Variants in KPNA6 observed in about 807,000 individuals in gnomAD.
KPNA6 encodes importin subunit alpha-7.
A neutral mutation model predicts 72.0 loss-of-function variants in KPNA6; 9 were observed. That is an observed-to-expected ratio of 0.13 (90% confidence interval 0.08 to 0.22). The LOEUF (loss-of-function observed/expected upper bound fraction) is 0.22, where lower values mean the gene tolerates loss of function less well. KPNA6 is among the 10% of genes least tolerant of loss of function. The pLI is 1.00. For synonymous variants in KPNA6, 219 were observed against 242.1 expected, an observed-to-expected ratio of 0.90 and a Z score of 0.89; for missense variants, 374 against 655.7, an observed-to-expected ratio of 0.57 and a Z score of 4.69.
At chr1:32,158,138 A>T (rs1642176208) in intron 4 of KPNA6, 129 bp from the exon 5 acceptor site, 1 of 638,580 alleles carries the variant, frequency 1.6e-6, no homozygotes, top group Non-Finnish European at 2.8e-6. Flanking sequence ...AAACCACCTT[A>T]CCAGAAGGGA....
At chr1:32,131,518 A>T (rs1641635200) in intron 1 of KPNA6, among the ~76,000 whole-genome samples, 1 of 152,062 alleles carries the variant, frequency 6.6e-6, no homozygotes, top group Non-Finnish European at 1.5e-5. Context: ...AGATTTAAAA[A>T]TTTAAAAAGA....
chr1:32,156,439 G>A (rs922968504), intron 2 of KPNA6, among the ~76,000 whole-genome samples: 3 of 152,060 alleles, frequency 2.0e-5, no homozygotes, highest in African/African-American at 7.2e-5. Context: ...TAAAATAAGG[G>A]TTACTTGAAC....
intron 1 of KPNA6, among the ~76,000 whole-genome samples, chr1:32,113,562 C>T (rs912863866): frequency 2.0e-5 from 3 of 152,148 alleles, no homozygotes; most frequent in African/African-American, 7.2e-5. Flanking sequence ...AAGCAATCCT[C>T]CTACTTCAGC....
At chr1:32,164,502 A>G (rs1206753525) in intron 10 of KPNA6, among the ~76,000 whole-genome samples, 1 of 151,986 alleles carries the variant, frequency 6.6e-6, no homozygotes, top group Non-Finnish European at 1.5e-5. Flanking sequence ...CCAACAATGC[A>G]GCATGTTCCA....
intron 1 of KPNA6, among the ~76,000 whole-genome samples, chr1:32,127,610 A>G (rs752300452): frequency 2.5e-4 from 38 of 152,350 alleles, no homozygotes; most frequent in Middle Eastern, 3.4e-3. Flanking sequence ...TTGTCTGAAG[A>G]CGAGTTGTGG....
At chr1:32,117,246 C>T (rs933017664) in intron 1 of KPNA6, among the ~76,000 whole-genome samples, 4 of 151,070 alleles carry the variant, frequency 2.6e-5, no homozygotes, top group Non-Finnish European at 1.5e-5. Flanking sequence ...GATCTTGGCT[C>T]ACTGCAACCT....
chr1:32,130,224 T>A (rs1006726932), intron 1 of KPNA6, among the ~76,000 whole-genome samples: 3 of 22,008 alleles, frequency 1.4e-4, no homozygotes, highest in Non-Finnish European at 5.0e-4. Flanking sequence ...AGATAAATAT[T>A]TTTTTTTTTT....
At chr1:32,129,871 G>T (rs1641606065) in intron 1 of KPNA6, among the ~76,000 whole-genome samples, 1 of 152,114 alleles carries the variant, frequency 6.6e-6, no homozygotes, top group Non-Finnish European at 1.5e-5. Flanking sequence ...ACACTCCTGG[G>T]AGCACACTCC....
intron 1 of KPNA6, among the ~76,000 whole-genome samples, chr1:32,137,032 G>A (rs1185484597): frequency 1.3e-5 from 2 of 152,180 alleles, no homozygotes; most frequent in East Asian, 1.9e-4. Flanking sequence ...ATATACTTGA[G>A]TGTTCTCTTC....
At chr1:32,157,039 G>A in intron 3 of KPNA6, 94 bp downstream of exon 3, 2 of 875,716 alleles carry the variant, frequency 2.3e-6, no homozygotes, top group Non-Finnish European at 1.8e-6. Flanking sequence ...AGCTTTGCCA[G>A]TAACCATGAC....
rs1471590531 is a variant in KPNA6 at position 32,166,156 on chromosome 1, C to T, written c.1042C>T (p.Pro348Ser). The part of the protein sequence containing the change: ...LPCLLHLLSS[P>S]KESIRKEACW... ...TTGCCTTCTCCACTTGTTGAGCAGT[C>T]CCAAGGAGTCAATCCGGAAGGAAGC... Residue 348 changes from proline to serine, a missense_variant, in exon 11 of 14, where the codon CCC (proline) becomes TCC (serine). Physicochemically the swap from Pro to Ser is moderately conservative, Grantham distance 74. Around this residue, in one of 3 missense-constraint regions of KPNA6, gnomAD observed 298 missense variants for 495.4 expected, o/e 0.60. Transcript: ENST00000373625. 10 of 1,613,944 alleles carry T rather than the reference C, an allele frequency of 6.2e-6. No individual in the cohort carries two copies. Among genetic ancestry groups the T allele is most frequent in the Non-Finnish European group, 6.8e-6 (8 of 1,179,980 alleles).
Position 32,170,906 on chromosome 1 carries a change from AGGGAGGGGAG to A in KPNA6, c.*17_*26del, listed in dbSNP as rs1557488501. The A allele has an allele frequency of 6.2e-7, 1 of 1,612,406 alleles. No individual in the cohort carries two copies. Among genetic ancestry groups the A allele is most frequent in the East Asian group, 2.2e-5 (1 of 44,870 alleles). On this transcript the variant is annotated 3_prime_UTR_variant, in exon 14 of 14. Coordinates refer to ENST00000373625, the MANE Select transcript of KPNA6 (RefSeq NM_012316.5). ...GCTTCCAGCTATAATATCTGCCTCCAGGGAGGGGAGGGGATGGGAAGCACCACCAGCCAGC... is the reference window on the plus strand; with the variant it reads ...GCTTCCAGCTATAATATCTGCCTCCAGGGATGGGAAGCACCACCAGCCAGC...
chr1:32,114,016 T>C (rs942193668), intron 1 of KPNA6, among the ~76,000 whole-genome samples: 5 of 152,192 alleles, frequency 3.3e-5, no homozygotes, highest in Non-Finnish European at 7.3e-5. Flanking sequence ...CAAACTCTTA[T>C]TTATGATATT....
chr1:32,153,456 A>G (rs918859701), intron 1 of KPNA6, among the ~76,000 whole-genome samples: 14 of 151,734 alleles, frequency 9.2e-5, no homozygotes, highest in Non-Finnish European at 2.1e-4. Context: ...CTGTAGTCCC[A>G]GCTACTCAGG....
intron 6 of KPNA6, 116 bp downstream of exon 6, chr1:32,159,647 T>C (rs1642201206): frequency 8.3e-7 from 1 of 1,207,366 alleles, no homozygotes; most frequent in African/African-American, 1.5e-5. Flanking sequence ...TCCTGAGTGA[T>C]AGGGGTGTCA....
intron 10 of KPNA6, among the ~76,000 whole-genome samples, chr1:32,165,168 A>G (rs1642310209): frequency 6.6e-6 from 1 of 152,188 alleles, no homozygotes; most frequent in African/African-American, 2.4e-5. Flanking sequence ...TGGCTTCTCA[A>G]AGTGCTGGGA....
At chr1:32,157,764 G>T (rs888981067) in intron 4 of KPNA6, among the ~76,000 whole-genome samples, 6 of 151,990 alleles carry the variant, frequency 3.9e-5, no homozygotes, top group African/African-American at 1.5e-4. Flanking sequence ...ATAATAAAAT[G>T]ACTCTTCCCA....
intron 12 of KPNA6, among the ~76,000 whole-genome samples, chr1:32,168,292 C>T (rs760815815): frequency 9.9e-5 from 15 of 152,216 alleles, no homozygotes; most frequent in African/African-American, 2.7e-4. Context: ...CAGGTTCAAG[C>T]GATTCTTCTG....
intron 1 of KPNA6, chr1:32,143,029 T>C: frequency 7.8e-7 from 1 of 1,279,972 alleles, no homozygotes; most frequent in Middle Eastern, 2.1e-4. Flanking sequence ...TGTCAGGTAA[T>C]AGGGGACAGC....
Sources: allele counts gnomAD v4.1 joint callset (sites outside exome capture counted in the v4.1 genomes callset), GRCh38; gene constraint gnomAD v4.1.1; regional missense constraint gnomAD v4.1.1; transcripts MANE v1.5; gene names NCBI Gene and HGNC (gene_info 2026-07-23, HGNC 2026-07-21).